ERC2: variants seen among roughly 807,000 people sequenced by gnomAD.
ERC2 encodes the protein ERC protein 2.
In ERC2, 42 loss-of-function variants were observed where a neutral mutation model predicts 114.8. The observed-to-expected ratio is 0.37, with a 90% CI of 0.29 to 0.47. The LOEUF is 0.47. Among genes scored for constraint, ERC2 ranks in the 20% least tolerant of loss-of-function variants. The pLI is 0.99. For missense variants in ERC2, 939 were observed against 1,150.7 expected (o/e 0.82, Z 2.66); for synonymous variants, 454 against 425.5 (o/e 1.07, Z -0.82).
intron 1 of ERC2, among the ~76,000 whole-genome samples, chr3:56,438,159 G>A (rs2062112922): frequency 6.6e-6 from 1 of 152,078 alleles, no homozygotes; most frequent in Admixed American, 6.5e-5. Flanking sequence ...TGTCTTATCT[G>A]AGTTCCTTTC....
intron 6 of ERC2, among the ~76,000 whole-genome samples, chr3:56,138,376 T>C (rs543680111): frequency 2.6e-4 from 39 of 152,336 alleles, no homozygotes; most frequent in Non-Finnish European, 4.4e-4. Context: ...TGGTATTTTT[T>C]AAATGTGAAA....
chr3:56,227,989 C>T (rs1015573853), intron 3 of ERC2, among the ~76,000 whole-genome samples: 4 of 152,082 alleles, frequency 2.6e-5, no homozygotes, highest in South Asian at 2.1e-4. Flanking sequence ...ATTTCATAGA[C>T]ATGACCATGA....
chr3:56,305,305 T>C (rs146458246), intron 2 of ERC2, among the ~76,000 whole-genome samples: 1 of 152,018 alleles, frequency 6.6e-6, no homozygotes, highest in Non-Finnish European at 1.5e-5. Flanking sequence ...TTATCAAGAA[T>C]ATATATAGAA....
intron 6 of ERC2, among the ~76,000 whole-genome samples, chr3:56,131,465 T>C (rs781268729): frequency 4.6e-5 from 7 of 152,224 alleles, no homozygotes; most frequent in Non-Finnish European, 1.0e-4. Flanking sequence ...AAAGTTGATT[T>C]TGTTGTATGC....
At position 56,148,987 on chromosome 3, in the gene ERC2, A is replaced by C; in HGVS notation, c.1295T>G (p.Met432Arg). 6.2e-7 allele frequency: 1 copy of C among 1,613,258 alleles called. No individual in the cohort carries two copies. The highest frequency in any genetic ancestry group is 8.5e-7 in the Non-Finnish European group (1 of 1,179,466). Reference protein sequence around the residue: ...IEVYKSHSKFMKTKIDQLKQE... With the variant: ...IEVYKSHSKFRKTKIDQLKQE... ...AACCCTGGACCGTACCTTGGTCTTC[A>C]TAAACTTGGAGTGACTTTTGTAAAC... Residue 432 changes from methionine to arginine, a missense_variant, in exon 5 of 18, where the codon ATG (methionine) becomes AGG (arginine). Transcript: ENST00000288221.
At chr3:56,240,109 G>A (rs1248383510) in intron 3 of ERC2, among the ~76,000 whole-genome samples, 2 of 152,208 alleles carry the variant, frequency 1.3e-5, no homozygotes, top group African/African-American at 4.8e-5. Flanking sequence ...TAAATTAGGG[G>A]AAAACACACA....
At chr3:56,405,336 C>T (rs758447304) in intron 2 of ERC2, among the ~76,000 whole-genome samples, 3 of 151,634 alleles carry the variant, frequency 2.0e-5, no homozygotes, top group Non-Finnish European at 4.4e-5. Context: ...CCCAGCTACT[C>T]GGGAGGCTTG....
chr3:56,129,643 G>T (rs1375350625), intron 6 of ERC2, among the ~76,000 whole-genome samples: 1 of 152,078 alleles, frequency 6.6e-6, no homozygotes, highest in Non-Finnish European at 1.5e-5. Flanking sequence ...CTTAGCAGAG[G>T]ACATGTATTT....
At chr3:55,940,182 A>G (rs2066694455) in intron 13 of ERC2, among the ~76,000 whole-genome samples, 1 of 152,050 alleles carries the variant, frequency 6.6e-6, no homozygotes, top group Non-Finnish European at 1.5e-5. Context: ...CCTGCTTGGA[A>G]GGTGCTTTTA....
At chr3:56,383,499 T>G (rs2059827546) in intron 2 of ERC2, among the ~76,000 whole-genome samples, 1 of 152,214 alleles carries the variant, frequency 6.6e-6, no homozygotes, top group South Asian at 2.1e-4. Flanking sequence ...TTTGTTTGTT[T>G]CATTCATTTA....
chr3:56,421,261 C>T (rs1324464210), intron 2 of ERC2, among the ~76,000 whole-genome samples: 1 of 152,256 alleles, frequency 6.6e-6, no homozygotes, highest in Non-Finnish European at 1.5e-5. Context: ...CCTCCTAATA[C>T]TAGAACTAAG....
At chr3:55,858,293 C>T (rs2061875879) in intron 14 of ERC2, among the ~76,000 whole-genome samples, 1 of 152,134 alleles carries the variant, frequency 6.6e-6, no homozygotes, top group Non-Finnish European at 1.5e-5. Context: ...AGCTATAACC[C>T]TGTTTATATA....
chr3:56,407,155 C>G (rs1161039725), intron 2 of ERC2, among the ~76,000 whole-genome samples: 1 of 152,212 alleles, frequency 6.6e-6, no homozygotes, highest in Non-Finnish European at 1.5e-5. Context: ...CTACTCCCAA[C>G]AACTTTCACC....
At chr3:55,900,216 G>A (rs2064061366) in intron 13 of ERC2, among the ~76,000 whole-genome samples, 1 of 152,098 alleles carries the variant, frequency 6.6e-6, no homozygotes, top group African/African-American at 2.4e-5. Context: ...ATTTCACTTT[G>A]TTCTCTAATA....
At chr3:55,563,500 C>T (rs2056173159) in intron 17 of ERC2, among the ~76,000 whole-genome samples, 1 of 152,206 alleles carries the variant, frequency 6.6e-6, no homozygotes, top group Non-Finnish European at 1.5e-5. Context: ...ATTACTCAAC[C>T]TCTGGTCACA....
At position 56,170,585 on chromosome 3, in the gene ERC2, GTTTTTT is replaced by G. The variant is rs1178172687; in HGVS notation, c.1149+2855_1149+2860del. On this transcript the variant is annotated intron_variant, in intron 4 of 17. Coordinates refer to ENST00000288221, the MANE Select transcript of ERC2 (RefSeq NM_015576.3). ...CAATTTAGTCTAAGAAATCTCTTCT[GTTTTTT>G]TTTTTTTTTTTTTTTTTTTTTTTGA... Among the ~76,000 whole-genome samples the G allele has an allele frequency of 6.3e-4, 39 of 61,760 alleles. No homozygotes were observed. In the East Asian group the frequency reaches 0.019, roughly 30 times the overall value. 40.5% of individuals were successfully genotyped at this position (61,760 alleles called of 152,430 possible).
At chr3:56,276,788 G>A (rs1386197521) in intron 3 of ERC2, among the ~76,000 whole-genome samples, 1 of 152,050 alleles carries the variant, frequency 6.6e-6, no homozygotes, top group Non-Finnish European at 1.5e-5. Flanking sequence ...ATTGTCCTAG[G>A]CCACACATAA....
chr3:56,221,355 G>A (rs1038385430), intron 3 of ERC2, among the ~76,000 whole-genome samples: 24 of 146,028 alleles, frequency 1.6e-4, no homozygotes, highest in Admixed American at 3.4e-4. Context: ...TAGAATTCAA[G>A]AGATATTATT....
intron 2 of ERC2, among the ~76,000 whole-genome samples, chr3:56,404,819 A>T (rs1377266911): frequency 6.6e-6 from 1 of 152,236 alleles, no homozygotes; most frequent in Non-Finnish European, 1.5e-5. Flanking sequence ...TTATAACAAC[A>T]ATATACAGCA....
Sources: gnomAD v4.1 joint callset for allele counts (sites outside exome capture counted in the v4.1 genomes callset) on GRCh38, gnomAD v4.1.1 for gene constraint, MANE v1.5 for transcripts, NCBI Gene and HGNC (gene_info 2026-07-23, HGNC 2026-07-21) for gene names.